GSK3B: variants seen among roughly 807,000 people sequenced by gnomAD.
GSK3B encodes the protein glycogen synthase kinase 3 beta, also known as glycogen synthase kinase-3 beta.
In GSK3B, 15 loss-of-function variants were observed where a neutral mutation model predicts 56.4. The ratio of observed to expected loss-of-function variants is 0.27; its 90% confidence interval spans 0.18 to 0.41. The LOEUF (loss-of-function observed/expected upper bound fraction) is 0.41. Among genes scored for constraint, GSK3B ranks in the 10% least tolerant of loss-of-function variants. GSK3B has a pLI of 1.00. For missense variants in GSK3B, 300 were observed against 513.4 expected, an observed-to-expected ratio of 0.58 and a Z score of 4.02; for synonymous variants, 181 against 188.9, an observed-to-expected ratio of 0.96 and a Z score of 0.34.
intron 2 of GSK3B, among the ~76,000 whole-genome samples, chr3:119,963,625 C>CAAAAAAAAAAAAAAAAAAAA (rs774359104): frequency 1.5e-4 from 12 of 78,976 alleles, no homozygotes; most frequent in Admixed American, 4.9e-4. Context: ...TTCTTCCCCA[C>CAAAAAAAAAAAAAAAAAAAA]AAAAAAAAAA....
rs575174550 is a variant in GSK3B at position 119,905,855 on chromosome 3, A to G, written c.716-3T>C. ...CACACAGCCAGCAGACCATACATCTAAAGAGAAAAGAAAACGAAGCCTTAT... is the reference window on the plus strand; with the variant it reads ...CACACAGCCAGCAGACCATACATCTGAAGAGAAAAGAAAACGAAGCCTTAT... On this transcript the variant is annotated splice_polypyrimidine_tract_variant and splice_region_variant and intron_variant, in intron 6 of 10. Coordinates refer to ENST00000264235, the MANE Select transcript of GSK3B (RefSeq NM_001146156.2). The G allele has an allele frequency of 5.8e-6, 9 of 1,546,630 alleles. No individual in the cohort carries two copies. In the Admixed American group the frequency reaches 1.2e-4, roughly 20 times the overall value.
chr3:119,980,831 G>A (rs2057453936), intron 2 of GSK3B, among the ~76,000 whole-genome samples: 1 of 152,186 alleles, frequency 6.6e-6, no homozygotes, highest in South Asian at 2.1e-4. Context: ...TTAAAGAAAG[G>A]AGAAGTTATG....
chr3:119,956,913 T>C (rs1386151548), intron 2 of GSK3B, among the ~76,000 whole-genome samples: 2 of 152,342 alleles, frequency 1.3e-5, no homozygotes, highest in South Asian at 2.1e-4. Flanking sequence ...TTCAACTCTG[T>C]AGTTGTAGGG....
chr3:120,092,968 A>T (rs1353809945), intron 1 of GSK3B, among the ~76,000 whole-genome samples: 1 of 152,192 alleles, frequency 6.6e-6, no homozygotes, highest in Non-Finnish European at 1.5e-5. Flanking sequence ...AAATGTGCAT[A>T]ATGGTTTAGT....
chr3:120,043,287 A>G (rs1033549259), intron 1 of GSK3B, among the ~76,000 whole-genome samples: 1 of 152,172 alleles, frequency 6.6e-6, no homozygotes, highest in Non-Finnish European at 1.5e-5. Context: ...TATCCAAAGA[A>G]AAAAACCTCT....
At chr3:119,873,293 A>G (rs1559817393) in intron 8 of GSK3B, among the ~76,000 whole-genome samples, 1 of 150,512 alleles carries the variant, frequency 6.6e-6, no homozygotes, top group South Asian at 2.1e-4. Flanking sequence ...CAATGTTTCC[A>G]CAAAAGACAT....
At position 120,056,559 on chromosome 3, in the gene GSK3B, C is replaced by T. The variant is rs956282455; in HGVS notation, c.88+36788G>A. Among the ~76,000 whole-genome samples, 24 of 152,054 alleles carry T rather than the reference C, an allele frequency of 1.6e-4. 1 individual carries two copies. Among genetic ancestry groups the T allele is most frequent in the African/African-American group, 5.1e-4 (21 of 41,404 alleles). On this transcript the variant is annotated intron_variant, in intron 1 of 10. Coordinates refer to ENST00000264235, the MANE Select transcript of GSK3B (RefSeq NM_001146156.2). Reference sequence around the variant, plus strand: ...TTCACCATGTTGGCCAGGCTGGTCTCGAACTCCTGACCTCAAGTGATTGCC... The same window carrying T: ...TTCACCATGTTGGCCAGGCTGGTCTTGAACTCCTGACCTCAAGTGATTGCC...
intron 1 of GSK3B, among the ~76,000 whole-genome samples, chr3:120,058,406 T>C (rs1232360779): frequency 6.6e-6 from 1 of 152,210 alleles, no homozygotes; most frequent in Non-Finnish European, 1.5e-5. Context: ...CAATTTGGAC[T>C]AGCCAACTTT....
intron 7 of GSK3B, among the ~76,000 whole-genome samples, chr3:119,902,950 A>C (rs937150086): frequency 6.6e-6 from 1 of 152,024 alleles, no homozygotes; most frequent in Non-Finnish European, 1.5e-5. Context: ...CCTGGGCTCA[A>C]GCAATCCACC....
chr3:120,005,614 A>G (rs1186230178), intron 1 of GSK3B, among the ~76,000 whole-genome samples: 1 of 152,166 alleles, frequency 6.6e-6, no homozygotes, highest in Admixed American at 6.6e-5. Flanking sequence ...GAGTAGGGGG[A>G]AAATATTCAA....
intron 1 of GSK3B, among the ~76,000 whole-genome samples, chr3:120,092,615 T>C (rs2058522577): frequency 6.6e-6 from 1 of 152,206 alleles, no homozygotes; most frequent in South Asian, 2.1e-4. Context: ...AAACATAAAT[T>C]ATACGGTGGC....
At chr3:119,975,338 T>C (rs1042659361) in intron 2 of GSK3B, among the ~76,000 whole-genome samples, 5 of 152,070 alleles carry the variant, frequency 3.3e-5, no homozygotes, top group African/African-American at 9.7e-5. Flanking sequence ...TCTCAAATAC[T>C]TGGGAGGCTG....
intron 7 of GSK3B, among the ~76,000 whole-genome samples, chr3:119,894,324 T>C (rs1233331967): frequency 6.6e-6 from 1 of 152,074 alleles, no homozygotes; most frequent in African/African-American, 2.4e-5. Flanking sequence ...TGTTTAATAG[T>C]TTGAGGAAGT....
At chr3:119,929,394 A>G (rs910843912) in intron 3 of GSK3B, among the ~76,000 whole-genome samples, 25 of 152,248 alleles carry the variant, frequency 1.6e-4, no homozygotes, top group African/African-American at 6.0e-4. Context: ...TCATTATACA[A>G]TTATGAACAA....
chr3:119,930,108 C>CAA, intron 3 of GSK3B, among the ~76,000 whole-genome samples: 1 of 150,722 alleles, frequency 6.6e-6, no homozygotes, highest in Non-Finnish European at 1.5e-5. Flanking sequence ...CACACACACA[C>CAA]ACACACACAC....
intron 2 of GSK3B, among the ~76,000 whole-genome samples, chr3:119,989,587 T>C (rs911941331): frequency 3.3e-5 from 5 of 151,276 alleles, no homozygotes; most frequent in East Asian, 2.0e-4. Context: ...GGAGGTTGCA[T>C]TGAGCTGAGA....
In GSK3B at chr3:119,962,375, C is replaced by CAA. The variant is rs71156779; in HGVS notation, c.283-15026_283-15025dup. 1.1e-4 allele frequency among the ~76,000 whole-genome samples: 13 copies of CAA among 120,472 alleles called. 1 individual carries two copies. The highest frequency in any genetic ancestry group is 3.5e-4 in the African/African-American group (11 of 31,228). The allele number at this position is 120,472 out of a possible 152,430, so 79.0% of individuals were successfully genotyped here. A position where few individuals can be genotyped will look rare whatever the true frequency, so the allele number is the denominator to read the frequency against. The stretch of plus-strand genomic sequence containing the variant: ...GGGCAACAAGAGTGAAACTCTGTCT[C>CAA]AAAAAAAAAAAAAAACAAAAACAAA... On this transcript the variant is annotated intron_variant, in intron 2 of 10. Transcript: ENST00000264235.
intron 1 of GSK3B, among the ~76,000 whole-genome samples, chr3:120,092,699 TAC>T (rs1251447028): frequency 6.6e-6 from 1 of 152,192 alleles, no homozygotes; most frequent in East Asian, 1.9e-4. Flanking sequence ...CACAAATGCA[TAC>T]AGAGATGTTA....
intron 7 of GSK3B, among the ~76,000 whole-genome samples, chr3:119,891,704 A>G (rs1274575541): frequency 6.6e-6 from 1 of 152,082 alleles, no homozygotes; most frequent in African/African-American, 2.4e-5. Flanking sequence ...TTTTTGACTT[A>G]AAGGAAATTA....
Sources: allele counts gnomAD v4.1 joint callset (sites outside exome capture counted in the v4.1 genomes callset), GRCh38; gene constraint gnomAD v4.1.1; transcripts MANE v1.5; gene names NCBI Gene and HGNC (gene_info 2026-07-23, HGNC 2026-07-21).